Variants in CD163L1 observed in about 807,000 individuals in gnomAD.
CD163L1 encodes CD163 molecule like 1.
CD163L1 carries 124 observed loss-of-function variants against 165.4 expected under a neutral mutation model. The observed-to-expected ratio is 0.75, with a 90% CI of 0.65 to 0.87. CD163L1 has a LOEUF of 0.87. CD163L1 is among the 40% of genes least tolerant of loss of function. CD163L1 has a pLI of 0.00. For missense variants in CD163L1, 1,525 were observed against 1,799.9 expected (o/e 0.85, Z 2.76); for synonymous variants, 585 against 662.2 (o/e 0.88, Z 1.79).
intron 4 of CD163L1, among the ~76,000 whole-genome samples, chr12:7,422,780 T>G (rs911983379): frequency 6.7e-6 from 1 of 149,634 alleles, no homozygotes; most frequent in Non-Finnish European, 1.5e-5. Context: ...TGTGTATATA[T>G]ATATATACAC....
Position 7,441,389 on chromosome 12 carries a change from C to G in CD163L1, c.32-143G>C. 4.9e-6 allele frequency: 3 copies of G among 616,964 alleles called. No individual in the cohort carries two copies. In the South Asian group the frequency reaches 6.6e-5, roughly 13 times the overall value. 38.2% of individuals were successfully genotyped at this position (616,964 alleles called of 1,614,324 possible). A position where few individuals can be genotyped will look rare whatever the true frequency, so the allele number is the denominator to read the frequency against. On this transcript the variant is annotated intron_variant, in intron 1 of 19. Coordinates refer to ENST00000313599, the MANE Select transcript of CD163L1 (RefSeq NM_174941.6). ...TGTCAAGGATACCGCACAAGAAAGT[C>G]CTTTTCCCAGGAAAAGCCACAGGAC... is the stretch of plus-strand genomic sequence containing the variant.
chr12:7,405,136 A>G (rs1947992217), intron 5 of CD163L1, among the ~76,000 whole-genome samples: 1 of 152,128 alleles, frequency 6.6e-6, no homozygotes, highest in Non-Finnish European at 1.5e-5. Context: ...TTACTCTTCC[A>G]GAGGCAAATA....
At chr12:7,438,252 A>G (rs1287693093) in intron 2 of CD163L1, among the ~76,000 whole-genome samples, 1 of 152,184 alleles carries the variant, frequency 6.6e-6, no homozygotes. Flanking sequence ...GATGTTTTTT[A>G]TAGCCCTTGA....
chr12:7,411,763 A>T (rs1015977888), intron 4 of CD163L1, among the ~76,000 whole-genome samples: 1 of 152,190 alleles, frequency 6.6e-6, no homozygotes, highest in Non-Finnish European at 1.5e-5. Flanking sequence ...GGACTAACAC[A>T]TCCCCCAACC....
At chr12:7,418,044 T>G (rs2136569196) in intron 4 of CD163L1, among the ~76,000 whole-genome samples, 1 of 152,142 alleles carries the variant, frequency 6.6e-6, no homozygotes, top group South Asian at 2.1e-4. Flanking sequence ...CTTAACACAC[T>G]TTTACAGAAA....
intron 2 of CD163L1, among the ~76,000 whole-genome samples, chr12:7,436,803 T>G (rs772084329): frequency 6.6e-6 from 1 of 152,070 alleles, no homozygotes; most frequent in Non-Finnish European, 1.5e-5. Context: ...ACAATTTCTG[T>G]GTCAGATCTA....
chr12:7,412,752 C>T (rs767462771), intron 4 of CD163L1, among the ~76,000 whole-genome samples: 53 of 152,126 alleles, frequency 3.5e-4, no homozygotes, highest in African/African-American at 1.2e-3. Flanking sequence ...ATTTTAACAA[C>T]CATTTATGAG....
intron 4 of CD163L1, among the ~76,000 whole-genome samples, chr12:7,415,111 T>A (rs1420707943): frequency 6.6e-6 from 1 of 152,134 alleles, no homozygotes; most frequent in Non-Finnish European, 1.5e-5. Flanking sequence ...TTAAAAGCAT[T>A]AAGCAACTAC....
intron 4 of CD163L1, among the ~76,000 whole-genome samples, chr12:7,426,186 C>G (rs1249925193): frequency 6.6e-6 from 1 of 152,150 alleles, no homozygotes; most frequent in South Asian, 2.1e-4. Flanking sequence ...CAAATTAACA[C>G]AAGAACAGAA....
the CD163L1 span, among the ~76,000 whole-genome samples, chr12:7,321,317 A>G: frequency 6.6e-6 from 1 of 152,252 alleles, no homozygotes; most frequent in Non-Finnish European, 1.5e-5. Context: ...TATTCAATTT[A>G]GCCAAACCAT....
At chr12:7,421,907 G>A (rs1377286837) in intron 4 of CD163L1, among the ~76,000 whole-genome samples, 1 of 151,966 alleles carries the variant, frequency 6.6e-6, no homozygotes. Flanking sequence ...ATCCTGACAA[G>A]GAGGGTTCTA....
chr12:7,405,101 C>G (rs947193452), intron 5 of CD163L1, among the ~76,000 whole-genome samples: 1 of 152,162 alleles, frequency 6.6e-6, no homozygotes, highest in Non-Finnish European at 1.5e-5. Context: ...ATTTTCACAT[C>G]TGCATCATTC....
the CD163L1 span, among the ~76,000 whole-genome samples, chr12:7,332,149 T>A: frequency 2.6e-5 from 4 of 152,220 alleles, no homozygotes; most frequent in East Asian, 7.7e-4. Context: ...CAAGCCTCAG[T>A]AGCCAATACA....
chr12:7,342,035 G>C (rs1946640840), downstream of CD163L1, among the ~76,000 whole-genome samples: 1 of 152,176 alleles, frequency 6.6e-6, no homozygotes, highest in Non-Finnish European at 1.5e-5. Flanking sequence ...CCAGGCCACA[G>C]CTGAGTCCTT....
intron 4 of CD163L1, among the ~76,000 whole-genome samples, chr12:7,428,912 T>C (rs1001155720): frequency 6.6e-6 from 1 of 152,068 alleles, no homozygotes; most frequent in Non-Finnish European, 1.5e-5. Flanking sequence ...ATCAAACTAG[T>C]CTATAGGCAT....
intron 2 of CD163L1, among the ~76,000 whole-genome samples, chr12:7,436,018 A>G (rs1364452215): frequency 6.6e-6 from 1 of 152,196 alleles, no homozygotes; most frequent in Non-Finnish European, 1.5e-5. Context: ...CTGCATCTAT[A>G]TCTATCATAT....
chr12:7,424,858 A>G (rs1413539889), intron 4 of CD163L1, among the ~76,000 whole-genome samples: 1 of 152,228 alleles, frequency 6.6e-6, no homozygotes, highest in African/African-American at 2.4e-5. Context: ...ATGGAAAAAC[A>G]TTCAATGCTC....
chr12:7,394,683 C>T (rs781465332), intron 8 of CD163L1, among the ~76,000 whole-genome samples: 1 of 152,242 alleles, frequency 6.6e-6, no homozygotes, highest in South Asian at 2.1e-4. Flanking sequence ...AAAATTTTTA[C>T]AATCTACCCA....
At chr12:7,333,024 G>T in the CD163L1 span, among the ~76,000 whole-genome samples, 1 of 152,142 alleles carries the variant, frequency 6.6e-6, no homozygotes, top group African/African-American at 2.4e-5. Flanking sequence ...TCAGTGTGCT[G>T]TATTCAGGAA....
Sources: allele counts gnomAD v4.1 joint callset (sites outside exome capture counted in the v4.1 genomes callset), GRCh38; gene constraint gnomAD v4.1.1; transcripts MANE v1.5; gene names NCBI Gene and HGNC (gene_info 2026-07-23, HGNC 2026-07-21).